UBE4A: variants seen among roughly 807,000 people sequenced by gnomAD.
UBE4A encodes the protein ubiquitin conjugation factor E4 A.
UBE4A carries 48 observed loss-of-function variants against 117.9 expected under a neutral mutation model. That is an observed-to-expected ratio of 0.41 (90% CI 0.32 to 0.52). UBE4A has a LOEUF of 0.52. Among genes scored for constraint, UBE4A ranks in the 20% least tolerant of loss-of-function variants. The probability of loss-of-function intolerance (pLI) is 0.33; values close to 1 mark genes in which losing one functional copy is unlikely to be tolerated. For synonymous variants in UBE4A, 407 were observed against 450.0 expected, an observed-to-expected ratio of 0.90 and a Z score of 1.21; for missense variants, 1,067 against 1,296.3, an observed-to-expected ratio of 0.82 and a Z score of 2.72.
chr11:118,372,836 G>C (rs1159290463), intron 6 of UBE4A, 170 bp downstream of exon 6: 3 of 1,057,430 alleles, frequency 2.8e-6, no homozygotes, highest in Non-Finnish European at 4.1e-6. Context: ...AGCTGGGCAT[G>C]GTAGCACACC....
intron 10 of UBE4A, among the ~76,000 whole-genome samples, chr11:118,377,052 C>A (rs1948658744): frequency 6.6e-6 from 1 of 150,640 alleles, no homozygotes; most frequent in Non-Finnish European, 1.5e-5. Flanking sequence ...TAACCTGTTT[C>A]TTAAAAAAAA....
chr11:118,381,744 A>G lies in UBE4A; in HGVS notation c.2009+221A>G, dbSNP rs547224983. On this transcript the variant is annotated intron_variant, in intron 12 of 19. Coordinates refer to ENST00000252108, the MANE Select transcript of UBE4A (RefSeq NM_001204077.2). Reference sequence around the variant, plus strand: ...GTCCACAGAGAATTTAATCCTGCATATAAGTATCTTATGGGAAGTCCACTG... The same window carrying G: ...GTCCACAGAGAATTTAATCCTGCATGTAAGTATCTTATGGGAAGTCCACTG... 1.1e-3 allele frequency among the ~76,000 whole-genome samples: 174 copies of G among 152,354 alleles called. 1 individual carries two copies. The highest frequency in any genetic ancestry group is 3.8e-3 in the African/African-American group (158 of 41,578).
In UBE4A at chr11:118,390,804, G is replaced by T; in HGVS notation, c.2916G>T (p.Lys972Asn). Residue 972 changes from lysine to asparagine, a missense_variant and splice_region_variant, in exon 18 of 20, where the codon AAG (lysine) becomes AAT (asparagine). Physicochemically the swap from Lys to Asn is moderately conservative, Grantham distance 94. This residue lies in a region of UBE4A where 1,001 missense variants were observed against 1,184.0 expected (regional missense o/e 0.85). Transcript: ENST00000252108. ...MAFSNLAERI[K>N]SLADLQQQEE... is the part of the protein sequence containing the mutation. Reference sequence around the variant, plus strand: ...TCAGCAACTTGGCAGAGAGAATCAAGGTGAGGAAGAGGAGGAATTGTTTGC... The same window carrying T: ...TCAGCAACTTGGCAGAGAGAATCAATGTGAGGAAGAGGAGGAATTGTTTGC... 1 of 1,609,858 alleles carries T rather than the reference G, an allele frequency of 6.2e-7. No homozygotes were observed. Among genetic ancestry groups the T allele is most frequent in the South Asian group, 1.1e-5 (1 of 90,986 alleles).
intron 2 of UBE4A, 148 bp downstream of exon 2, chr11:118,365,349 G>T (rs1159788056): frequency 1.6e-5 from 20 of 1,227,444 alleles, no homozygotes; most frequent in Non-Finnish European, 2.2e-5. Flanking sequence ...AGAAATTGGG[G>T]TTTTTTGTTT....
At chr11:118,365,556 A>T (rs1297903595) in intron 2 of UBE4A, among the ~76,000 whole-genome samples, 1 of 152,220 alleles carries the variant, frequency 6.6e-6, no homozygotes, top group Non-Finnish European at 1.5e-5. Flanking sequence ...TTAACATGGG[A>T]CACAGAGGTG....
chr11:118,379,473 C>A lies in UBE4A; in HGVS notation c.1599C>A (p.Asn533Lys). 2 of 1,613,788 alleles carry A rather than the reference C, an allele frequency of 1.2e-6. No homozygotes were observed. The highest frequency in any genetic ancestry group is 1.7e-6 in the Non-Finnish European group (2 of 1,179,800). Reference protein sequence around the residue: ...HRLHDQMVKINQNLHRLQVAW... With the variant: ...HRLHDQMVKIKQNLHRLQVAW... ...TGCATGATCAGATGGTAAAAATCAA[C>A]CAAAATCTGCATCGGCTGCAGGTTG... Residue 533 changes from asparagine (N) to lysine (K), a missense_variant, in exon 11 of 20, where the codon AAC becomes AAA. Physicochemically the swap from Asn to Lys is moderately conservative, Grantham distance 94. Coordinates refer to ENST00000252108, the MANE Select transcript of UBE4A (RefSeq NM_001204077.2).
At chr11:118,380,300 A>G (rs1345699752) in intron 11 of UBE4A, among the ~76,000 whole-genome samples, 2 of 152,048 alleles carry the variant, frequency 1.3e-5, no homozygotes, top group Admixed American at 6.6e-5. Flanking sequence ...TTAAAACTAC[A>G]GACTGGGTAT....
chr11:118,390,034 A>G, intron 17 of UBE4A, 129 bp downstream of exon 17: 1 of 1,062,512 alleles, frequency 9.4e-7, no homozygotes, highest in Non-Finnish European at 1.3e-6. Context: ...TGCTTGATGA[A>G]GGAATCTTCT....
chr11:118,390,636 T>C (rs1555128209), intron 17 of UBE4A, 21 bp from the exon 18 acceptor site: 1 of 1,488,708 alleles, frequency 6.7e-7, no homozygotes, highest in Non-Finnish European at 8.9e-7. Context: ...GATCAGTTTT[T>C]TTCTGATGCT....
At chr11:118,376,490 C>T (rs1948653554) in intron 9 of UBE4A, 84 bp from the exon 10 acceptor site, 2 of 1,532,590 alleles carry the variant, frequency 1.3e-6, no homozygotes, top group East Asian at 4.5e-5. Flanking sequence ...GATATCACTG[C>T]TAACAGTATG....
At chr11:118,366,384 T>C (rs1456482854) in intron 2 of UBE4A, among the ~76,000 whole-genome samples, 1 of 152,266 alleles carries the variant, frequency 6.6e-6, no homozygotes, top group Admixed American at 6.5e-5. Context: ...TCTTAGCTTC[T>C]GTCACCATTG....
intron 1 of UBE4A, among the ~76,000 whole-genome samples, chr11:118,360,988 G>A (rs957645716): frequency 2.9e-5 from 4 of 138,572 alleles, no homozygotes; most frequent in Admixed American, 7.1e-5. Context: ...ATGTATATAT[G>A]TGTGTGTGTG....
chr11:118,391,940 GAAA>G (rs1286966677), intron 18 of UBE4A, among the ~76,000 whole-genome samples: 2 of 144,864 alleles, frequency 1.4e-5, no homozygotes, highest in African/African-American at 2.5e-5. Flanking sequence ...TAACTTTTTA[GAAA>G]AAAAAAAAGA....
At chr11:118,383,314 A>T (rs1315136582) in intron 13 of UBE4A, among the ~76,000 whole-genome samples, 1 of 151,988 alleles carries the variant, frequency 6.6e-6, no homozygotes, top group Non-Finnish European at 1.5e-5. Context: ...CAGCAGGCGG[A>T]CAGGCACAGT....
Position 118,375,114 on chromosome 11 carries a change from A to G in UBE4A, c.1335A>G (p.Leu445=). The G allele has an allele frequency of 1.2e-6, 2 of 1,614,220 alleles. No homozygotes were observed. The highest frequency in any genetic ancestry group is 1.1e-5 in the South Asian group (1 of 91,092). The part of the protein sequence containing the change: ...FLNLGAALLK[L]CQPFCKPRSS... Reference sequence around the variant, plus strand: ...ATCTGGGTGCTGCTCTCCTGAAGCTATGCCAGCCATTTTGCAAACCCAGAT... The same window carrying G: ...ATCTGGGTGCTGCTCTCCTGAAGCTGTGCCAGCCATTTTGCAAACCCAGAT... Residue 445 remains leucine (L), a synonymous_variant, in exon 9 of 20, where the codon CTA becomes CTG. Transcript: ENST00000252108.
At chr11:118,367,597 G>A (rs1948574962) in intron 2 of UBE4A, among the ~76,000 whole-genome samples, 1 of 150,618 alleles carries the variant, frequency 6.6e-6, no homozygotes, top group African/African-American at 2.5e-5. Context: ...TGCCTCCCGG[G>A]TTTAAGCAAT....
In UBE4A at chr11:118,382,658, G is replaced by A. The variant is rs782613467; in HGVS notation, c.2079G>A (p.Gln693=). 1 of 1,604,366 alleles carries A rather than the reference G, an allele frequency of 6.2e-7. No individual in the cohort carries two copies. The highest frequency in any genetic ancestry group is 1.1e-5 in the South Asian group (1 of 89,216). ...AAGCAGTGATGCCCCACCTGGATCA[G>A]ACCCCAAATCCCTTGGTATCCAGTG... is the stretch of plus-strand genomic sequence containing the variant. ...VLEAVMPHLD[Q]TPNPLVSSVF... The change falls in exon 13 of 20, where the codon CAG becomes CAA. Residue 693 remains glutamine (Q), a synonymous_variant. Coordinates refer to ENST00000252108, the MANE Select transcript of UBE4A (RefSeq NM_001204077.2).
intron 4 of UBE4A, 94 bp downstream of exon 4, chr11:118,369,629 T>G: frequency 2.5e-6 from 2 of 812,500 alleles, no homozygotes; most frequent in East Asian, 2.7e-5. Flanking sequence ...CTTGTGTCCA[T>G]ATGTCCATCC....
rs1011779457 is a variant in UBE4A, at chr11:118,374,944, C to A, written c.1165C>A (p.Leu389Ile). 9 of 1,572,370 alleles carry A rather than the reference C, an allele frequency of 5.7e-6. No homozygotes were observed. The highest frequency in any genetic ancestry group is 7.8e-6 in the Non-Finnish European group (9 of 1,156,476). The change falls in exon 9 of 20, where the codon CTC becomes ATC. Residue 389 changes from leucine to isoleucine, a missense_variant. Around this residue, in one of 3 missense-constraint regions of UBE4A, gnomAD observed 1,001 missense variants for 1,184.0 expected, o/e 0.85. Coordinates refer to ENST00000252108, the MANE Select transcript of UBE4A (RefSeq NM_001204077.2). ...GATCTACCAGATGCTGAAGAACTTA[C>A]TCCAGCTCTCTCCAGAAACCAAACA... ...EKIYQMLKNL[L>I]QLSPETKHCI...
Sources: gnomAD v4.1 joint callset for allele counts (sites outside exome capture counted in the v4.1 genomes callset) on GRCh38, gnomAD v4.1.1 for gene constraint, gnomAD v4.1.1 regional missense constraint, MANE v1.5 for transcripts, NCBI Gene and HGNC (gene_info 2026-07-23, HGNC 2026-07-21) for gene names.